Variants in NOL8 observed in about 807,000 individuals in gnomAD.
NOL8 encodes the protein nucleolar protein 8.
In NOL8, 93 loss-of-function variants were observed where a neutral mutation model predicts 116.1. The ratio of observed to expected loss-of-function variants is 0.80; its 90% CI spans 0.68 to 0.95. The LOEUF (loss-of-function observed/expected upper bound fraction) is 0.95, where lower values mean the gene tolerates loss of function less well. Ranked by LOEUF, NOL8 falls within the 40% of genes least tolerant of loss-of-function variation. The probability of loss-of-function intolerance (pLI) is 0.00; values close to 1 mark genes in which losing one functional copy is unlikely to be tolerated. For missense variants in NOL8, 1,291 were observed against 1,382.8 expected (o/e 0.93, Z 1.05); for synonymous variants, 419 against 469.0 (o/e 0.89, Z 1.38).
At chr9:92,311,041 C>T in intron 8 of NOL8, 105 bp downstream of exon 8, 1 of 855,516 alleles carries the variant, frequency 1.2e-6, no homozygotes, top group Non-Finnish European at 1.8e-6. Flanking sequence ...AGCCCTGGGT[C>T]TCATTGGGGC....
chr9:92,316,203 C>T (rs1427746107), intron 6 of NOL8, 65 bp from the exon 7 acceptor site: 6 of 1,484,406 alleles, frequency 4.0e-6, no homozygotes, highest in East Asian at 4.6e-5. Flanking sequence ...ATCTTTGATA[C>T]AAAAAATATT....
intron 10 of NOL8, among the ~76,000 whole-genome samples, chr9:92,307,708 A>G (rs1175255504): frequency 6.6e-6 from 1 of 152,232 alleles, no homozygotes; most frequent in Non-Finnish European, 1.5e-5. Context: ...CTAGAATAAA[A>G]TGCTAATTTA....
rs1839265778 is a variant in NOL8 at position 92,315,234 on chromosome 9, T to C, written c.1391A>G (p.Glu464Gly). The change falls in exon 7 of 17, where the codon GAA (glutamate) becomes GGA (glycine). Residue 464 changes from glutamate (E) to glycine (G), a missense_variant. By Grantham distance (98) the Glu-to-Gly change is moderately conservative. Transcript: ENST00000442668. ...SSSEDADSAS[E>G]LADSEGGEEY... is the part of the protein sequence containing the mutation. ...CTCACCTCCTTCAGAGTCAGCTAAT[T>C]CTGATGCAGAATCAGCATCTTCACT... 1 of 1,613,854 alleles carries C rather than the reference T, an allele frequency of 6.2e-7. No homozygotes were observed. The highest frequency in any genetic ancestry group is 1.1e-5 in the South Asian group (1 of 91,086).
At chr9:92,298,622 A>G in intron 15 of NOL8, 1 of 476,062 alleles carries the variant, frequency 2.1e-6, no homozygotes, top group Non-Finnish European at 3.7e-6. Context: ...ATGGCACTAA[A>G]ACTTAGGGGT....
At chr9:92,320,538 C>A (rs1839833410) in intron 4 of NOL8, among the ~76,000 whole-genome samples, 1 of 152,030 alleles carries the variant, frequency 6.6e-6, no homozygotes, top group African/African-American at 2.4e-5. Context: ...GTTCTTGTTA[C>A]ATTTCATTGG....
At chr9:92,306,792 A>G in intron 11 of NOL8, 94 bp downstream of exon 11, 3 of 1,213,246 alleles carry the variant, frequency 2.5e-6, no homozygotes, top group Non-Finnish European at 3.5e-6. Context: ...CTGCCTCCCC[A>G]GGCCATTAAA....
In NOL8 at chr9:92,301,578, CA is replaced by C; in HGVS notation, c.3147del (p.Phe1049LeufsTer8). 3.7e-6 allele frequency: 6 copies of C among 1,600,892 alleles called. No individual in the cohort carries two copies. Among genetic ancestry groups the C allele is most frequent in the East Asian group, 2.2e-5 (1 of 44,596 alleles). On this transcript the variant is annotated frameshift_variant, in exon 13 of 17. Coordinates refer to ENST00000442668, the MANE Select transcript of NOL8 (RefSeq NM_017948.6). LOFTEE classifies it high-confidence loss of function. The part of the protein sequence containing the change: ...EQPSGFTFSF[F>X]DSDTKDIKEE... ...TCCTTTATGTCTTTAGTGTCTGAAT[CA>C]AAAAAAGAGAACGTGAACCCGCTGG...
chr9:92,310,444 C>T, intron 9 of NOL8, 109 bp downstream of exon 9: 1 of 1,321,822 alleles, frequency 7.6e-7, no homozygotes. Context: ...AAATAAACAC[C>T]CCGATGCTAT....
intron 4 of NOL8, 32 bp from the exon 5 acceptor site, chr9:92,319,388 T>C: frequency 6.6e-7 from 1 of 1,504,534 alleles, no homozygotes; most frequent in African/African-American, 1.5e-5. Context: ...AATAAAAGAG[T>C]CAAAATAATC....
intron 2 of NOL8, 129 bp from the exon 3 acceptor site, chr9:92,323,632 C>T: frequency 2.7e-6 from 2 of 748,710 alleles, no homozygotes; most frequent in Non-Finnish European, 4.1e-6. Flanking sequence ...CAAAGATAAA[C>T]CTTGTTTTTT....
At chr9:92,301,926 A>G (rs1191046994) in intron 12 of NOL8, 104 bp from the exon 13 acceptor site, 10 of 869,906 alleles carry the variant, frequency 1.1e-5, no homozygotes, top group Non-Finnish European at 1.5e-5. Flanking sequence ...ATTCTATCCT[A>G]TCAACAACCA....
At chr9:92,311,112 A>G (rs1838738689) in intron 8 of NOL8, 34 bp downstream of exon 8, 2 of 1,496,518 alleles carry the variant, frequency 1.3e-6, no homozygotes, top group East Asian at 4.5e-5. Context: ...GCAGAAGTAG[A>G]TGAATGTCCA....
At chr9:92,305,947 C>T (rs1268496141) in intron 11 of NOL8, 117 bp from the exon 12 acceptor site, 1 of 670,576 alleles carries the variant, frequency 1.5e-6, no homozygotes, top group Non-Finnish European at 2.6e-6. Context: ...CAAGAAGAAG[C>T]CATATAACAT....
intron 13 of NOL8, 27 bp downstream of exon 13, chr9:92,301,524 A>G (rs1837741853): frequency 1.3e-6 from 2 of 1,522,334 alleles, no homozygotes; most frequent in Non-Finnish European, 1.8e-6. Context: ...GAATAAAATA[A>G]AAAAGTATGG....
At chr9:92,307,704 T>C (rs1389349571) in intron 10 of NOL8, among the ~76,000 whole-genome samples, 1 of 152,180 alleles carries the variant, frequency 6.6e-6, no homozygotes, top group Non-Finnish European at 1.5e-5. Flanking sequence ...GAAACTAGAA[T>C]AAAATGCTAA....
chr9:92,299,837 A>C, intron 14 of NOL8, 53 bp downstream of exon 14: 2 of 1,583,758 alleles, frequency 1.3e-6, no homozygotes, highest in Non-Finnish European at 1.7e-6. Flanking sequence ...AAGTATGTCT[A>C]ATTCAGATTT....
intron 1 of NOL8, 77 bp from the exon 2 acceptor site, chr9:92,324,286 A>T: frequency 8.9e-7 from 1 of 1,118,320 alleles, no homozygotes; most frequent in South Asian, 1.7e-5. Flanking sequence ...AACCTTCTGT[A>T]TCAAATCCGT....
chr9:92,300,625 C>A, intron 13 of NOL8: 3 of 1,001,866 alleles, frequency 3.0e-6, no homozygotes, highest in Non-Finnish European at 3.6e-6. Flanking sequence ...ACTATCGTTA[C>A]TATTTACATC....
In NOL8 at chr9:92,315,113, T is replaced by C; in HGVS notation, c.1512A>G (p.Glu504=). 2 of 1,613,994 alleles carry C rather than the reference T, an allele frequency of 1.2e-6. No homozygotes were observed. The highest frequency in any genetic ancestry group is 1.7e-6 in the Non-Finnish European group (2 of 1,179,892). Residue 504 remains glutamate, a synonymous_variant, in exon 7 of 17, where the codon GAA becomes GAG. Transcript: ENST00000442668. ...TTTCTGGTCCATCACTCTTAGTATC[T>C]TCATTTGGAACCTTCAGATCACTGC... ...LAGSDLKVPN[E]DTKSDGPETT... is the part of the protein sequence containing the mutation.
Sources: gnomAD v4.1 joint callset for allele counts (sites outside exome capture counted in the v4.1 genomes callset) on GRCh38, gnomAD v4.1.1 for gene constraint, MANE v1.5 for transcripts, NCBI Gene and HGNC (gene_info 2026-07-23, HGNC 2026-07-21) for gene names.